CSMD1: variants seen among roughly 807,000 people sequenced by gnomAD.
CSMD1 encodes CUB and Sushi multiple domains 1.
In CSMD1, 213 loss-of-function variants were observed where a neutral mutation model predicts 417.5. The ratio of observed to expected loss-of-function variants is 0.51; its 90% CI spans 0.46 to 0.57. CSMD1 has a LOEUF of 0.57. Ranked by LOEUF, CSMD1 falls within the 20% of genes least tolerant of loss-of-function variation. The pLI, the probability that CSMD1 is intolerant of heterozygous loss-of-function variation, is 0.00. For synonymous variants in CSMD1, 2,862 were observed against 1,736.8 expected, an observed-to-expected ratio of 1.65 and a Z score of -16.11; for missense variants, 6,923 against 4,529.7, an observed-to-expected ratio of 1.53 and a Z score of -15.17.
At chr8:3,026,374 A>G (rs1299857424) in intron 51 of CSMD1, among the ~76,000 whole-genome samples, 2 of 151,858 alleles carry the variant, frequency 1.3e-5, no homozygotes, top group African/African-American at 2.4e-5. Flanking sequence ...GCCTCACTGG[A>G]CCTCACTGGA....
chr8:4,832,892 C>A (rs899457303), intron 1 of CSMD1, among the ~76,000 whole-genome samples: 1 of 152,018 alleles, frequency 6.6e-6, no homozygotes, highest in Admixed American at 6.6e-5. Context: ...ACAGAAAGCT[C>A]CGAACTAGCT....
intron 3 of CSMD1, among the ~76,000 whole-genome samples, chr8:4,320,406 T>C (rs912939168): frequency 1.3e-5 from 2 of 152,174 alleles, no homozygotes; most frequent in Admixed American, 6.5e-5. Context: ...ATGTGTAGAA[T>C]GTGCAGGTTT....
intron 7 of CSMD1, among the ~76,000 whole-genome samples, chr8:3,686,977 T>C (rs1324568208): frequency 1.3e-5 from 2 of 152,290 alleles, no homozygotes; most frequent in East Asian, 3.9e-4. Flanking sequence ...AAGAAGCTTG[T>C]TCAAACGTAT....
intron 37 of CSMD1, among the ~76,000 whole-genome samples, chr8:3,168,429 T>C (rs1202465654): frequency 6.6e-6 from 1 of 152,184 alleles, no homozygotes. Flanking sequence ...TTGTTAACTC[T>C]TAATTCGAAA....
At chr8:4,029,361 A>G (rs1394802824) in intron 4 of CSMD1, among the ~76,000 whole-genome samples, 1 of 152,204 alleles carries the variant, frequency 6.6e-6, no homozygotes. Flanking sequence ...TTTGATGGAC[A>G]TACAGTTCTA....
At chr8:3,944,731 A>G (rs996919173) in intron 5 of CSMD1, among the ~76,000 whole-genome samples, 1 of 152,154 alleles carries the variant, frequency 6.6e-6, no homozygotes, top group Non-Finnish European at 1.5e-5. Flanking sequence ...AATATTTCAA[A>G]ATAATGCACT....
chr8:4,313,972 C>T (rs1798775474), intron 3 of CSMD1, among the ~76,000 whole-genome samples: 1 of 151,650 alleles, frequency 6.6e-6, no homozygotes. Context: ...CGAGACTGCG[C>T]CCCTGCACTC....
chr8:4,513,799 T>C (rs949160988), intron 2 of CSMD1, among the ~76,000 whole-genome samples: 5 of 152,200 alleles, frequency 3.3e-5, no homozygotes, highest in African/African-American at 1.2e-4. Context: ...AGCTGGGGAA[T>C]ATTACTTAAG....
At chr8:4,394,615 T>G (rs1181842076) in intron 3 of CSMD1, among the ~76,000 whole-genome samples, 1 of 152,106 alleles carries the variant, frequency 6.6e-6, no homozygotes, top group African/African-American at 2.4e-5. Flanking sequence ...GGTGAGATGT[T>G]GTCATTAGGG....
At chr8:3,308,052 ATGTG>A (rs1805021308) in intron 24 of CSMD1, among the ~76,000 whole-genome samples, 3 of 50,912 alleles carry the variant, frequency 5.9e-5, no homozygotes, top group Non-Finnish European at 1.7e-4. Flanking sequence ...TAAGACACTC[ATGTG>A]ATAATTCTAA....
At chr8:4,285,668 C>T (rs944294834) in intron 3 of CSMD1, among the ~76,000 whole-genome samples, 13 of 152,244 alleles carry the variant, frequency 8.5e-5, no homozygotes, top group Admixed American at 3.9e-4. Flanking sequence ...TCTTGAATGG[C>T]AGTGGTGTAG....
intron 23 of CSMD1, among the ~76,000 whole-genome samples, chr8:3,328,653 G>A (rs896398032): frequency 3.3e-5 from 5 of 152,022 alleles, no homozygotes; most frequent in Non-Finnish European, 7.4e-5. Context: ...TCATATCCAC[G>A]GTCTTATCAG....
intron 1 of CSMD1, among the ~76,000 whole-genome samples, chr8:4,941,365 A>G (rs1371660701): frequency 6.6e-6 from 1 of 152,200 alleles, no homozygotes; most frequent in Non-Finnish European, 1.5e-5. Flanking sequence ...TATGATATTC[A>G]AAATAAAAAT....
At chr8:3,564,671 T>A (rs1799622671) in intron 10 of CSMD1, among the ~76,000 whole-genome samples, 1 of 151,918 alleles carries the variant, frequency 6.6e-6, no homozygotes, top group Non-Finnish European at 1.5e-5. Context: ...ACTGAGGTGT[T>A]ATAAGAAAAT....
At chr8:4,048,951 A>C (rs1274543481) in intron 3 of CSMD1, among the ~76,000 whole-genome samples, 1 of 152,134 alleles carries the variant, frequency 6.6e-6, no homozygotes, top group East Asian at 1.9e-4. Context: ...TTCTACTATA[A>C]ATCTATCGTA....
intron 1 of CSMD1, among the ~76,000 whole-genome samples, chr8:4,967,359 A>G (rs1194539668): frequency 1.3e-5 from 2 of 152,162 alleles, no homozygotes; most frequent in Non-Finnish European, 2.9e-5. Flanking sequence ...TGAAGAAAAA[A>G]ACAATAATCA....
chr8:4,886,278 A>C (rs1803733258), intron 1 of CSMD1, among the ~76,000 whole-genome samples: 2 of 152,042 alleles, frequency 1.3e-5, no homozygotes, highest in Admixed American at 1.3e-4. Context: ...ATCCGTTTTG[A>C]GCTTCAACTT....
chr8:3,372,353 G>T (rs1810012573), intron 18 of CSMD1, among the ~76,000 whole-genome samples: 1 of 152,142 alleles, frequency 6.6e-6, no homozygotes, highest in Admixed American at 6.5e-5. Flanking sequence ...GTTTCTTTCA[G>T]TGACATGATG....
intron 12 of CSMD1, among the ~76,000 whole-genome samples, chr8:3,465,839 C>G (rs776245880): frequency 4.6e-5 from 7 of 152,102 alleles, no homozygotes; most frequent in Non-Finnish European, 1.0e-4. Context: ...GGTTTGTAGT[C>G]TGAGGGACTG....
Sources: gnomAD v4.1 joint callset for allele counts (sites outside exome capture counted in the v4.1 genomes callset) on GRCh38, gnomAD v4.1.1 for gene constraint, MANE v1.5 for transcripts, NCBI Gene and HGNC (gene_info 2026-07-23, HGNC 2026-07-21) for gene names.